The following CACNA2D3 variants were observed in gnomAD, a reference collection of about 807,000 sequenced individuals.
CACNA2D3 encodes voltage-dependent calcium channel subunit alpha-2/delta-3.
In CACNA2D3, 60 loss-of-function variants were observed where a neutral mutation model predicts 160.6. The observed-to-expected ratio is 0.37, with a 90% CI of 0.30 to 0.46. CACNA2D3 has a LOEUF of 0.46. CACNA2D3 is among the 20% of genes least tolerant of loss of function. The probability of loss-of-function intolerance (pLI) is 1.00; values close to 1 mark genes in which losing one functional copy is unlikely to be tolerated. For missense variants in CACNA2D3, 1,205 were observed against 1,365.0 expected, an observed-to-expected ratio of 0.88 and a Z score of 1.85; for synonymous variants, 558 against 492.9, an observed-to-expected ratio of 1.13 and a Z score of -1.75.
chr3:54,848,609 A>G (rs1698987590), intron 17 of CACNA2D3, among the ~76,000 whole-genome samples: 1 of 152,262 alleles, frequency 6.6e-6, no homozygotes, highest in African/African-American at 2.4e-5. Flanking sequence ...GTTAAGCATT[A>G]CATGAATTAA....
intron 3 of CACNA2D3, among the ~76,000 whole-genome samples, chr3:54,379,950 G>A (rs779214728): frequency 2.0e-5 from 3 of 152,038 alleles, no homozygotes; most frequent in Non-Finnish European, 4.4e-5. Context: ...GATACTTTGG[G>A]AAATACTCGT....
intron 35 of CACNA2D3, among the ~76,000 whole-genome samples, chr3:55,018,719 T>C (rs1703381912): frequency 6.6e-6 from 1 of 152,146 alleles, no homozygotes; most frequent in African/African-American, 2.4e-5. Flanking sequence ...TTCTTGGTGG[T>C]TGAGTATGCA....
rs368333512 is a variant in CACNA2D3 at position 54,879,008 on chromosome 3, A to G, written c.1711-10A>G. ...GGAAGAACTAACACACTTTTCTTTT[A>G]TCATTTTAGTTGAGAAATGCTATGG... On this transcript the variant is annotated splice_polypyrimidine_tract_variant and intron_variant, in intron 18 of 37. Transcript: ENST00000474759. The G allele has an allele frequency of 4.6e-5, 72 of 1,577,714 alleles. No homozygotes were observed. The highest frequency in any genetic ancestry group is 1.7e-4 in the Middle Eastern group (1 of 5,968).
chr3:54,652,514 G>T (rs1559539854), intron 11 of CACNA2D3, among the ~76,000 whole-genome samples: 2 of 152,200 alleles, frequency 1.3e-5, no homozygotes, highest in Admixed American at 6.5e-5. Context: ...GCCAAGACGA[G>T]CCTCTTGGAG....
chr3:54,340,271 A>AC (rs1366264422), intron 3 of CACNA2D3, among the ~76,000 whole-genome samples: 3 of 151,564 alleles, frequency 2.0e-5, no homozygotes, highest in Admixed American at 2.0e-4. Flanking sequence ...ACACCCATAC[A>AC]CCCCCCATTC....
chr3:54,525,123 G>T (rs1701705384), intron 5 of CACNA2D3, among the ~76,000 whole-genome samples: 1 of 151,894 alleles, frequency 6.6e-6, no homozygotes. Flanking sequence ...AGTTCATAAG[G>T]TATATATTTA....
At chr3:54,998,012 G>A (rs1042705111) in intron 31 of CACNA2D3, among the ~76,000 whole-genome samples, 4 of 152,024 alleles carry the variant, frequency 2.6e-5, no homozygotes, top group Admixed American at 2.0e-4. Flanking sequence ...GATTACTAGC[G>A]TGCTGATAAT....
chr3:55,038,864 C>CTATATATATATA (rs10576329), intron 35 of CACNA2D3, among the ~76,000 whole-genome samples: 79 of 99,080 alleles, frequency 8.0e-4, no homozygotes, highest in Non-Finnish European at 1.0e-3. Context: ...AGCCAGGATG[C>CTATATATATATA]TATATATATA....
chr3:54,423,423 A>G (rs1447277228), intron 4 of CACNA2D3, among the ~76,000 whole-genome samples: 1 of 152,178 alleles, frequency 6.6e-6, no homozygotes, highest in Non-Finnish European at 1.5e-5. Flanking sequence ...GGGAAAGTCA[A>G]CTGAGACCTG....
intron 4 of CACNA2D3, among the ~76,000 whole-genome samples, chr3:54,502,649 A>G (rs1212763534): frequency 6.6e-6 from 1 of 152,174 alleles, no homozygotes; most frequent in Non-Finnish European, 1.5e-5. Flanking sequence ...CAGACTCAAG[A>G]TAGATGGCCT....
rs564916730 is a variant in CACNA2D3 at position 54,309,440 on chromosome 3, T to G, written c.205-11002T>G. On this transcript the variant is annotated intron_variant, in intron 2 of 37. Transcript: ENST00000474759. ...CTTATGCAATCTATGAAGATTTTTT[T>G]TAAGAGTATAGACAGTAAAACAGGA... 2.6e-4 allele frequency among the ~76,000 whole-genome samples: 39 copies of G among 152,312 alleles called. No homozygotes were observed. In the Middle Eastern group the frequency reaches 0.01, roughly 40 times the overall value.
chr3:54,146,671 A>T (rs992795336), intron 2 of CACNA2D3, among the ~76,000 whole-genome samples: 1 of 152,202 alleles, frequency 6.6e-6, no homozygotes. Flanking sequence ...GGCCCATGGA[A>T]GCTACAAGGG....
chr3:55,062,083 C>G (rs1704523824), intron 35 of CACNA2D3, among the ~76,000 whole-genome samples: 1 of 152,086 alleles, frequency 6.6e-6, no homozygotes, highest in Non-Finnish European at 1.5e-5. Context: ...TGCCAAAGAG[C>G]TTGTGCTACT....
intron 2 of CACNA2D3, among the ~76,000 whole-genome samples, chr3:54,231,787 A>G (rs1490678126): frequency 1.4e-5 from 2 of 146,464 alleles, no homozygotes; most frequent in Non-Finnish European, 3.0e-5. Context: ...TATTGGTTTC[A>G]TGTTCGTCAT....
intron 29 of CACNA2D3, among the ~76,000 whole-genome samples, chr3:54,973,464 G>C (rs1333170966): frequency 1.3e-5 from 2 of 152,192 alleles, no homozygotes; most frequent in Non-Finnish European, 2.9e-5. Context: ...AAAACTTCAT[G>C]ATCAAAGTCA....
chr3:54,129,594 T>A (rs1699665846), intron 2 of CACNA2D3, among the ~76,000 whole-genome samples: 1 of 152,246 alleles, frequency 6.6e-6, no homozygotes, highest in South Asian at 2.1e-4. Context: ...TGGCTGTTCC[T>A]TCACTTTGTG....
chr3:54,280,196 C>T (rs1702841625), intron 2 of CACNA2D3, among the ~76,000 whole-genome samples: 2 of 152,100 alleles, frequency 1.3e-5, no homozygotes, highest in South Asian at 4.1e-4. Flanking sequence ...ATTCTCCTGC[C>T]TCAGCCTCCT....
chr3:54,165,151 G>T (rs1207244848), intron 2 of CACNA2D3, among the ~76,000 whole-genome samples: 4 of 111,374 alleles, frequency 3.6e-5, no homozygotes, highest in Non-Finnish European at 5.3e-5. Context: ...CAAGATGAAT[G>T]AACAAGATCG....
At chr3:54,609,345 C>T (rs867199862) in intron 9 of CACNA2D3, among the ~76,000 whole-genome samples, 5 of 152,086 alleles carry the variant, frequency 3.3e-5, no homozygotes, top group African/African-American at 1.2e-4. Context: ...TGGCTTAAGC[C>T]ACTCAGCCTG....
Sources: allele counts gnomAD v4.1 joint callset (sites outside exome capture counted in the v4.1 genomes callset), GRCh38; gene constraint gnomAD v4.1.1; transcripts MANE v1.5; gene names NCBI Gene and HGNC (gene_info 2026-07-23, HGNC 2026-07-21).